Variants in BDP1 observed in about 807,000 individuals in gnomAD.
BDP1 encodes the protein transcription factor TFIIIB component B'' homolog.
BDP1 carries 169 observed loss-of-function variants against 266.6 expected under a neutral mutation model. That is an observed-to-expected ratio of 0.63 (90% CI 0.56 to 0.72). The LOEUF (loss-of-function observed/expected upper bound fraction) is 0.72. BDP1 is among the 30% of genes least tolerant of loss of function. BDP1 has a pLI of 0.00. For missense variants in BDP1, 3,015 were observed against 3,053.8 expected, an observed-to-expected ratio of 0.99 and a Z score of 0.30; for synonymous variants, 1,090 against 1,022.4, an observed-to-expected ratio of 1.07 and a Z score of -1.26.
At chr5:71,481,602 A>G (rs1384820922) in intron 7 of BDP1, among the ~76,000 whole-genome samples, 1 of 152,064 alleles carries the variant, frequency 6.6e-6, no homozygotes, top group African/African-American at 2.4e-5. Context: ...GTTCTGGAAA[A>G]CTGTTAATGT....
intron 7 of BDP1, among the ~76,000 whole-genome samples, chr5:71,470,904 T>A (rs900240063): frequency 1.3e-5 from 2 of 151,634 alleles, no homozygotes; most frequent in Admixed American, 6.6e-5. Flanking sequence ...TTTTTTTTTT[T>A]AAACTGTTAT....
rs888044302 is a variant in BDP1, at chr5:71,545,229, T to C, written c.6744+10T>C. ...ACTTCCTGTGCCAGAGGTAAAAGAA[T>C]GTACAGTATAATAAGGGATAGCAAG... On this transcript the variant is annotated intron_variant, in intron 32 of 38. Coordinates refer to ENST00000358731, the MANE Select transcript of BDP1 (RefSeq NM_018429.3). 1.2e-6 allele frequency: 2 copies of C among 1,609,754 alleles called. No homozygotes were observed. Among genetic ancestry groups the C allele is most frequent in the Middle Eastern group, 1.7e-4 (1 of 6,056 alleles).
At chr5:71,503,386 G>A (rs1340878168) in intron 15 of BDP1, among the ~76,000 whole-genome samples, 1 of 152,168 alleles carries the variant, frequency 6.6e-6, no homozygotes, top group African/African-American at 2.4e-5. Flanking sequence ...TAGTTGTAAA[G>A]CCATTTTAGA....
At chr5:71,553,424 A>T in intron 35 of BDP1, 104 bp downstream of exon 35, 1 of 712,786 alleles carries the variant, frequency 1.4e-6, no homozygotes, top group Non-Finnish European at 2.3e-6. Flanking sequence ...AAACTTTTAG[A>T]TATATATAAA....
rs1764477306 is a variant in BDP1 at position 71,504,743 on chromosome 5, A to G, written c.2364A>G (p.Glu788=). ...VQPDEPKVLN[E]CLSVQENNKA... is the part of the protein sequence containing the mutation. ...CAGATGAGCCCAAGGTTCTTAATGA[A>G]TGTCTAAGGTAAGCATCATTTTGTT... The change falls in exon 16 of 39, where the codon GAA becomes GAG. Residue 788 remains glutamate, a synonymous_variant. Transcript: ENST00000358731. The G allele has an allele frequency of 3.1e-6, 5 of 1,612,626 alleles. No individual in the cohort carries two copies. Among genetic ancestry groups the G allele is most frequent in the Non-Finnish European group, 4.2e-6 (5 of 1,179,580 alleles).
chr5:71,565,799 TTGTC>T lies in BDP1; in HGVS notation c.*917_*920del, dbSNP rs1425752174. ...AAAGAACTTTTCTATTATCAGCTGT[TTGTC>T]TGACTGAAAAATACATATTTTTCTA... On this transcript the variant is annotated 3_prime_UTR_variant, in exon 39 of 39. Transcript: ENST00000358731. 2.6e-5 allele frequency: 4 copies of T among 152,812 alleles called. No individual in the cohort carries two copies. Among genetic ancestry groups the T allele is most frequent in the Non-Finnish European group, 5.8e-5 (4 of 68,458 alleles). The allele number at this position is 152,812 out of a possible 1,614,324, so 9.5% of individuals were successfully genotyped here.
At chr5:71,576,158 T>C in the BDP1 span, among the ~76,000 whole-genome samples, 1 of 152,194 alleles carries the variant, frequency 6.6e-6, no homozygotes, top group Non-Finnish European at 1.5e-5. Flanking sequence ...CATAATATCC[T>C]GTGCAGTATG....
At chr5:71,478,016 C>T (rs986858762) in intron 7 of BDP1, among the ~76,000 whole-genome samples, 5 of 152,100 alleles carry the variant, frequency 3.3e-5, no homozygotes, top group African/African-American at 9.7e-5. Context: ...TTTGGGAGGC[C>T]GAGGCAGGCG....
intron 7 of BDP1, among the ~76,000 whole-genome samples, chr5:71,473,267 T>G: frequency 9.6e-5 from 1 of 10,462 alleles, no homozygotes; most frequent in Admixed American, 1.6e-3. Context: ...ATGTAATTTT[T>G]TTTTTTTTTT....
chr5:71,540,029 G>A (rs1289648145), intron 28 of BDP1, among the ~76,000 whole-genome samples: 1 of 152,060 alleles, frequency 6.6e-6, no homozygotes, highest in Non-Finnish European at 1.5e-5. Context: ...GTTGCTGCTT[G>A]GGATGGTATT....
chr5:71,551,357 T>G lies in BDP1; in HGVS notation c.6995+1751T>G, dbSNP rs1469242536. On this transcript the variant is annotated intron_variant, in intron 34 of 38. Transcript: ENST00000358731. ...TTCAAGCATCTGTTTAACAAGCACA[T>G]CTTGCACCGCCCTTAATCCATTCAA... Among the ~76,000 whole-genome samples, 6 of 152,286 alleles carry G rather than the reference T, an allele frequency of 3.9e-5. No homozygotes were observed. The East Asian group carries it at 1.2e-3, about 29-fold the overall frequency.
intron 16 of BDP1, among the ~76,000 whole-genome samples, chr5:71,506,035 C>T (rs62374365): frequency 6.6e-6 from 1 of 152,202 alleles, no homozygotes; most frequent in African/African-American, 2.4e-5. Context: ...TGCACACAGT[C>T]TCTAGGTAGA....
chr5:71,536,650 ACT>A (rs1766615981), intron 26 of BDP1, among the ~76,000 whole-genome samples: 1 of 151,848 alleles, frequency 6.6e-6, no homozygotes, highest in African/African-American at 2.4e-5. Flanking sequence ...ACAGAGGGAG[ACT>A]CTGTCTCTAC....
chr5:71,574,894 G>T, the BDP1 span, among the ~76,000 whole-genome samples: 2 of 152,202 alleles, frequency 1.3e-5, no homozygotes, highest in African/African-American at 2.4e-5. Context: ...TTAAAGGAAA[G>T]AAATTTTATG....
chr5:71,516,120 G>A lies in BDP1; in HGVS notation c.4709G>A (p.Arg1570Gln), dbSNP rs754550833. 9 of 1,612,156 alleles carry A rather than the reference G, an allele frequency of 5.6e-6. No individual in the cohort carries two copies. Among genetic ancestry groups the A allele is most frequent in the African/African-American group, 2.7e-5 (2 of 74,746 alleles). Residue 1570 changes from arginine to glutamine, a missense_variant, in exon 21 of 39, where the codon CGA (arginine) becomes CAA (glutamine). Physicochemically the swap from Arg to Gln is conservative, Grantham distance 43. Around this residue, in one of 3 missense-constraint regions of BDP1, gnomAD observed 2,383 missense variants for 2,404.9 expected, o/e 0.99. Coordinates refer to ENST00000358731, the MANE Select transcript of BDP1 (RefSeq NM_018429.3). ...EMKESVIQTA[R>Q]QVRGRLQRPR... ...AAGGAAAGTGTTATCCAAACTGCTC[G>A]ACAAGTAAGGGGCCGACTTCAGAGA... is the stretch of plus-strand genomic sequence containing the variant.
chr5:71,460,375 G>A lies in BDP1; in HGVS notation c.490-1442G>A, dbSNP rs1434149999. On this transcript the variant is annotated intron_variant, in intron 2 of 38. Coordinates refer to ENST00000358731, the MANE Select transcript of BDP1 (RefSeq NM_018429.3). ...AGCATGAGTGACAGAGCGAGACTCC[G>A]TCTCAAAAAAAACCAACCAAACAAA... 3.3e-5 allele frequency among the ~76,000 whole-genome samples: 5 copies of A among 152,152 alleles called. No homozygotes were observed. The East Asian group carries it at 5.8e-4, about 18-fold the overall frequency.
At chr5:71,546,264 C>T (rs1245869840) in intron 32 of BDP1, among the ~76,000 whole-genome samples, 2 of 152,060 alleles carry the variant, frequency 1.3e-5, no homozygotes, top group Non-Finnish European at 2.9e-5. Context: ...CACTTTGATT[C>T]ATTAATTGTC....
At chr5:71,550,595 C>T (rs966357233) in intron 34 of BDP1, among the ~76,000 whole-genome samples, 2 of 152,128 alleles carry the variant, frequency 1.3e-5, no homozygotes, top group African/African-American at 4.8e-5. Context: ...AGCCACTGTG[C>T]CCAGCTGTTC....
At chr5:71,471,573 A>G (rs987276043) in intron 7 of BDP1, among the ~76,000 whole-genome samples, 3 of 152,182 alleles carry the variant, frequency 2.0e-5, no homozygotes, top group Non-Finnish European at 4.4e-5. Context: ...CTTTGGGACA[A>G]CCAGTGGCAC....
Sources: allele counts gnomAD v4.1 joint callset (sites outside exome capture counted in the v4.1 genomes callset), GRCh38; gene constraint gnomAD v4.1.1; regional missense constraint gnomAD v4.1.1; transcripts MANE v1.5; gene names NCBI Gene and HGNC (gene_info 2026-07-23, HGNC 2026-07-21).